Variants in SLC8A1 observed in about 807,000 individuals in gnomAD.
SLC8A1 encodes the protein solute carrier family 8 member A1.
Under a neutral mutation model 68.3 loss-of-function variants are expected in SLC8A1, and 18 were observed. The ratio of observed to expected loss-of-function variants is 0.26; its 90% confidence interval spans 0.18 to 0.39. The LOEUF is 0.39. Ranked by LOEUF, SLC8A1 falls within the 10% of genes least tolerant of loss-of-function variation. The pLI, the probability that SLC8A1 is intolerant of heterozygous loss-of-function variation, is 1.00. For missense variants in SLC8A1, 985 were observed against 1,156.7 expected (o/e 0.85, Z 2.15); for synonymous variants, 475 against 415.5 (o/e 1.14, Z -1.74).
chr2:40,260,368 G>T (rs2064529515), intron 2 of SLC8A1, among the ~76,000 whole-genome samples: 1 of 152,136 alleles, frequency 6.6e-6, no homozygotes, highest in Non-Finnish European at 1.5e-5. Flanking sequence ...TCTCAACTTG[G>T]AATATAAATA....
chr2:40,212,903 G>T (rs997667626), intron 2 of SLC8A1, among the ~76,000 whole-genome samples: 2 of 151,536 alleles, frequency 1.3e-5, no homozygotes, highest in Non-Finnish European at 2.9e-5. Flanking sequence ...AACAAAGCAT[G>T]TGTGTGTAGG....
intron 2 of SLC8A1, among the ~76,000 whole-genome samples, chr2:40,421,994 G>T (rs547566654): frequency 6.6e-6 from 1 of 152,226 alleles, no homozygotes; most frequent in South Asian, 2.1e-4. Context: ...CTTCCCACCA[G>T]AAATCCAGGG....
intron 1 of SLC8A1, among the ~76,000 whole-genome samples, chr2:40,450,368 G>GTA (rs2149872354): frequency 6.6e-6 from 1 of 152,140 alleles, no homozygotes; most frequent in African/African-American, 2.4e-5. Flanking sequence ...GTGTGTGTGT[G>GTA]TGCACGCGCG....
At chr2:40,365,439 A>G (rs1675851500) in intron 2 of SLC8A1, among the ~76,000 whole-genome samples, 1 of 152,134 alleles carries the variant, frequency 6.6e-6, no homozygotes, top group Admixed American at 6.6e-5. Flanking sequence ...GTATTCATAT[A>G]TAACAGAGAA....
chr2:40,326,252 C>T (rs1263509567), intron 2 of SLC8A1, among the ~76,000 whole-genome samples: 1 of 152,150 alleles, frequency 6.6e-6, no homozygotes, highest in Non-Finnish European at 1.5e-5. Context: ...CTGTTTACCC[C>T]TTATTTTGTA....
At position 40,124,419 on chromosome 2, in the gene SLC8A1, C is replaced by T. The variant is rs138370389; in HGVS notation, c.2438-8790G>A. ...TATGAACACTATTAAAAGTAGGCCA[C>T]TGCATGCAACCTCAATCCAGCACAG... is the stretch of plus-strand genomic sequence containing the variant. On this transcript the variant is annotated intron_variant, in intron 7 of 7. Coordinates refer to ENST00000406785, the Ensembl canonical transcript of SLC8A1. 1.3e-3 allele frequency among the ~76,000 whole-genome samples: 191 copies of T among 152,332 alleles called. 1 individual carries two copies. Among genetic ancestry groups the T allele is most frequent in the African/African-American group, 4.3e-3 (180 of 41,556 alleles).
chr2:40,277,794 G>GTGTATATATATATATATATATA (rs907874659), intron 2 of SLC8A1, among the ~76,000 whole-genome samples: 4 of 108,022 alleles, frequency 3.7e-5, no homozygotes, highest in South Asian at 3.3e-4. Context: ...ATATATGTGT[G>GTGTATATATATATATATATATA]TATATATATA....
At chr2:40,264,489 G>A (rs928766097) in intron 2 of SLC8A1, among the ~76,000 whole-genome samples, 7 of 152,080 alleles carry the variant, frequency 4.6e-5, no homozygotes, top group African/African-American at 1.7e-4. Flanking sequence ...AGAAGATGTG[G>A]CACATATACA....
At chr2:40,135,783 AG>A (rs2040395705) in intron 7 of SLC8A1, among the ~76,000 whole-genome samples, 1 of 152,168 alleles carries the variant, frequency 6.6e-6, no homozygotes, top group Admixed American at 6.5e-5. Context: ...GAGGAGAAAA[AG>A]GAATCAAGGA....
At chr2:40,406,707 G>A (rs1461577233) in intron 2 of SLC8A1, among the ~76,000 whole-genome samples, 1 of 152,140 alleles carries the variant, frequency 6.6e-6, no homozygotes, top group Non-Finnish European at 1.5e-5. Flanking sequence ...GGTCAGCCAT[G>A]GAGGAAGCAA....
Position 40,130,766 on chromosome 2 carries a change from T to G in SLC8A1, c.2437+8635A>C, listed in dbSNP as rs79937733. Among the ~76,000 whole-genome samples the G allele has an allele frequency of 1.7e-4, 26 of 152,338 alleles. No homozygotes were observed. In the East Asian group the frequency reaches 5.0e-3, roughly 29 times the overall value. On this transcript the variant is annotated intron_variant, in intron 7 of 7. Coordinates refer to ENST00000406785, the Ensembl canonical transcript of SLC8A1. The stretch of plus-strand genomic sequence containing the variant: ...TGAAATGTAGCCATCCAATTAAATA[T>G]GTATGCACACTGTCACAATGGCACC...
chr2:40,510,718 T>C (rs916161765), intron 1 of SLC8A1, among the ~76,000 whole-genome samples: 3 of 151,936 alleles, frequency 2.0e-5, no homozygotes, highest in Non-Finnish European at 4.4e-5. Flanking sequence ...TCTAACTCTC[T>C]CACAAATATA....
exon 8 of SLC8A1, chr2:40,103,594 C>G (rs1176114221): frequency 6.6e-6 from 1 of 151,834 alleles, no homozygotes; most frequent in Non-Finnish European, 1.5e-5. Flanking sequence ...AGCACACTGA[C>G]TAAAAAATAA....
At chr2:40,411,899 A>G (rs983225978) in intron 2 of SLC8A1, among the ~76,000 whole-genome samples, 3 of 152,126 alleles carry the variant, frequency 2.0e-5, no homozygotes, top group African/African-American at 7.2e-5. Context: ...TTTTATAATC[A>G]ATAACTCAAC....
At chr2:40,237,424 C>T (rs1421048930) in intron 2 of SLC8A1, among the ~76,000 whole-genome samples, 43 of 152,214 alleles carry the variant, frequency 2.8e-4, no homozygotes, top group African/African-American at 8.9e-4. Flanking sequence ...GCATTCTTCA[C>T]GTAGTTCTTG....
At chr2:40,232,399 T>A (rs2059769401) in intron 2 of SLC8A1, among the ~76,000 whole-genome samples, 1 of 116,014 alleles carries the variant, frequency 8.6e-6, no homozygotes. Flanking sequence ...AAGTTATTTT[T>A]TTTTTGTCTT....
intron 1 of SLC8A1, among the ~76,000 whole-genome samples, chr2:40,451,674 C>A (rs1369151221): frequency 5.9e-5 from 9 of 151,540 alleles, no homozygotes; most frequent in Admixed American, 3.9e-4. Flanking sequence ...CGCACCAGCC[C>A]GAGCAATTTC....
At chr2:40,473,300 T>A (rs1301019292) in intron 1 of SLC8A1, among the ~76,000 whole-genome samples, 1 of 152,146 alleles carries the variant, frequency 6.6e-6, no homozygotes, top group African/African-American at 2.4e-5. Flanking sequence ...CAAATTTCAA[T>A]CTATGGCCAA....
At chr2:40,411,597 A>G (rs541625257) in intron 2 of SLC8A1, among the ~76,000 whole-genome samples, 3 of 152,156 alleles carry the variant, frequency 2.0e-5, no homozygotes, top group South Asian at 2.1e-4. Context: ...AAAAAACCTG[A>G]AAAAACAAAA....
Sources: gnomAD v4.1 joint callset for allele counts (sites outside exome capture counted in the v4.1 genomes callset) on GRCh38, gnomAD v4.1.1 for gene constraint, MANE v1.5 for transcripts, NCBI Gene and HGNC (gene_info 2026-07-23, HGNC 2026-07-21) for gene names.